EIF2A: variants seen among roughly 807,000 people sequenced by gnomAD.
EIF2A encodes the protein 65 kDa eukaryotic translation initiation factor 2A.
EIF2A carries 62 observed loss-of-function variants against 75.2 expected under a neutral mutation model. The ratio of observed to expected loss-of-function variants is 0.82; its 90% CI spans 0.67 to 1.02. The LOEUF (loss-of-function observed/expected upper bound fraction) is 1.02, where lower values mean the gene tolerates loss of function less well. Among genes scored for constraint, EIF2A ranks in the 50% least tolerant of loss-of-function variants. EIF2A has a pLI of 0.00. For synonymous variants in EIF2A, 207 were observed against 239.0 expected, an observed-to-expected ratio of 0.87 and a Z score of 1.23; for missense variants, 611 against 677.7, an observed-to-expected ratio of 0.90 and a Z score of 1.09.
Position 150,572,149 on chromosome 3 carries a change from G to A in EIF2A, c.1003G>A (p.Gly335Arg). The A allele has an allele frequency of 6.2e-7, 1 of 1,613,936 alleles. No individual in the cohort carries two copies. Among genetic ancestry groups the A allele is most frequent in the Non-Finnish European group, 8.5e-7 (1 of 1,179,862 alleles). Reference sequence around the variant, plus strand: ...ACATATATTAGTATTAGCTGGATTTGGAAATCTGAGGGGACAAATGGAAGT... The same window carrying A: ...ACATATATTAGTATTAGCTGGATTTAGAAATCTGAGGGGACAAATGGAAGT... Reference protein sequence around the residue: ...HGHILVLAGFGNLRGQMEVWD... With the variant: ...HGHILVLAGFRNLRGQMEVWD... The change falls in exon 10 of 14, where the codon GGA becomes AGA. Residue 335 changes from glycine (G) to arginine (R), a missense_variant. Coordinates refer to ENST00000460851, the MANE Select transcript of EIF2A (RefSeq NM_032025.5).
intron 11 of EIF2A, 48 bp downstream of exon 11, chr3:150,575,810 C>T (rs753502784): frequency 3.5e-5 from 52 of 1,490,672 alleles, no homozygotes; most frequent in South Asian, 7.4e-5. Flanking sequence ...CAGTTATGGC[C>T]GGGCGCAGTG....
rs746701306 is a variant in EIF2A, at chr3:150,546,796, G to C, written c.-7G>C. 6.2e-7 allele frequency: 1 copy of C among 1,612,444 alleles called. No homozygotes were observed. The highest frequency in any genetic ancestry group is 8.5e-7 in the Non-Finnish European group (1 of 1,179,886). ...CTCACCCGAGCGGTTTCTCTTTCCG[G>C]GACAACATGGCGCCGTCCACGCCGC... On this transcript the variant is annotated 5_prime_UTR_variant, in exon 1 of 14. Coordinates refer to ENST00000460851, the MANE Select transcript of EIF2A (RefSeq NM_032025.5).
intron 7 of EIF2A, 56 bp from the exon 8 acceptor site, chr3:150,567,846 A>G (rs956143709): frequency 6.3e-5 from 99 of 1,578,278 alleles, no homozygotes; most frequent in Non-Finnish European, 8.3e-5. Flanking sequence ...AAACATGTCC[A>G]TCTCAGTTTT....
intron 10 of EIF2A, 56 bp from the exon 11 acceptor site, chr3:150,575,593 G>A: frequency 7.9e-7 from 1 of 1,267,050 alleles, no homozygotes; most frequent in Non-Finnish European, 1.1e-6. Context: ...ATAATTTGTT[G>A]TTGTAGGTGT....
chr3:150,570,784 TG>T (rs1724464416), intron 9 of EIF2A, among the ~76,000 whole-genome samples: 1 of 152,050 alleles, frequency 6.6e-6, no homozygotes. Context: ...TGACAGAGGC[TG>T]GGCACGGTGG....
In EIF2A at chr3:150,563,500, G is replaced by C; in HGVS notation, c.293-15G>C. 1 of 1,537,740 alleles carries C rather than the reference G, an allele frequency of 6.5e-7. No individual in the cohort carries two copies. The highest frequency in any genetic ancestry group is 8.8e-7 in the Non-Finnish European group (1 of 1,142,200). On this transcript the variant is annotated splice_polypyrimidine_tract_variant and intron_variant, in intron 4 of 13. Transcript: ENST00000460851. Reference sequence around the variant, plus strand: ...GTTACAAGGCAATTACTGAAAAAAAGAAATTTTATTGCAGCTTCTAAAGAT... The same window carrying C: ...GTTACAAGGCAATTACTGAAAAAAACAAATTTTATTGCAGCTTCTAAAGAT...
At chr3:150,559,672 G>A (rs1163691489) in intron 3 of EIF2A, among the ~76,000 whole-genome samples, 3 of 151,912 alleles carry the variant, frequency 2.0e-5, no homozygotes, top group Non-Finnish European at 4.4e-5. Context: ...TGTATTTTTA[G>A]TAGAGATGGT....
Position 150,584,440 on chromosome 3 carries a change from T to A in EIF2A, c.*529T>A, listed in dbSNP as rs1465159538. ...GAAATGGCCATCTAATCCCAGAGCC[T>A]ATGCTTTAGGTCACTATGATATATA... On this transcript the variant is annotated 3_prime_UTR_variant, in exon 14 of 14. Transcript: ENST00000460851. Among the ~76,000 whole-genome samples, 3 of 152,220 alleles carry A rather than the reference T, an allele frequency of 2.0e-5. No individual in the cohort carries two copies. The highest frequency in any genetic ancestry group is 4.4e-5 in the Non-Finnish European group (3 of 68,034).
chr3:150,546,961 C>A, intron 1 of EIF2A, 131 bp downstream of exon 1: 1 of 1,283,046 alleles, frequency 7.8e-7, no homozygotes, highest in Non-Finnish European at 1.1e-6. Flanking sequence ...AAAGGCCAGA[C>A]TGTTGGCTTT....
rs750490771 is a variant in EIF2A at position 150,571,958 on chromosome 3, C to CA, written c.818dup (p.Asn273LysfsTer6). On this transcript the variant is annotated frameshift_variant and splice_region_variant, in exon 10 of 14. Coordinates refer to ENST00000460851, the MANE Select transcript of EIF2A (RefSeq NM_032025.5). LOFTEE classifies it high-confidence loss of function. ...TTTGGGCTTTATATTCTTTTTCTAGCAAAAAATGGCCCCATTTATGATGTA... is the reference window on the plus strand; with the variant it reads ...TTTGGGCTTTATATTCTTTTTCTAGCAAAAAAATGGCCCCATTTATGATGTA... 35 of 1,591,410 alleles carry CA rather than the reference C, an allele frequency of 2.2e-5. No homozygotes were observed. The highest frequency in any genetic ancestry group is 2.7e-5 in the Non-Finnish European group (32 of 1,171,384).
At chr3:150,546,878 T>C in intron 1 of EIF2A, 48 bp downstream of exon 1, 1 of 1,607,180 alleles carries the variant, frequency 6.2e-7, no homozygotes. Flanking sequence ...ACTAGTTTCT[T>C]ATTTTTGTCT....
chr3:150,579,639 C>T (rs537693179), intron 11 of EIF2A, among the ~76,000 whole-genome samples: 148 of 150,674 alleles, frequency 9.8e-4, no homozygotes, highest in African/African-American at 3.2e-3. Context: ...CGCTTGAACC[C>T]GGGAGGTGGA....
Position 150,583,906 on chromosome 3 carries a change from A to AT in EIF2A, c.1756dup (p.Ter586LeufsTer34). 1 of 1,613,576 alleles carries AT rather than the reference A, an allele frequency of 6.2e-7. No homozygotes were observed. The highest frequency in any genetic ancestry group is 8.5e-7 in the Non-Finnish European group (1 of 1,179,652). Reference sequence around the variant, plus strand: ...GGAGCTGGAAGATTTGGAATTGGGTATTTAAAGATTCACGGAAAGCAAGTT... The same window carrying AT: ...GGAGCTGGAAGATTTGGAATTGGGTATTTTAAAGATTCACGGAAAGCAAGTT... On this transcript the variant is annotated frameshift_variant, in exon 14 of 14. Transcript: ENST00000460851. LOFTEE classifies it high-confidence loss of function.
In EIF2A at chr3:150,575,735, G is replaced by A. The variant is rs1220558942; in HGVS notation, c.1470G>A (p.Lys490=). ...LSKTALKNQR[K]HEAKKAAKQE... is the part of the protein sequence containing the mutation. ...AAACAGCTCTTAAAAATCAAAGGAAGCATGAAGCTAAGAAAGCTGCAAAGC... is the reference window on the plus strand; with the variant it reads ...AAACAGCTCTTAAAAATCAAAGGAAACATGAAGCTAAGAAAGCTGCAAAGC... The change falls in exon 11 of 14, where the codon AAG becomes AAA. Residue 490 remains lysine, a synonymous_variant. Transcript: ENST00000460851. The A allele has an allele frequency of 1.9e-6, 3 of 1,612,320 alleles. No homozygotes were observed. The East Asian group carries it at 6.7e-5, about 36-fold the overall frequency.
At chr3:150,561,172 C>T (rs116186679) in intron 3 of EIF2A, among the ~76,000 whole-genome samples, 1,658 of 152,238 alleles carry the variant, frequency 0.011, 15 homozygotes, top group Middle Eastern at 0.02. Context: ...CTATGTTGCC[C>T]GGGCTGGTTT....
chr3:150,585,853 CAG>C lies in EIF2A; in HGVS notation c.*1947_*1948del, dbSNP rs1010154914. Among the ~76,000 whole-genome samples, 1 of 152,032 alleles carries C rather than the reference CAG, an allele frequency of 6.6e-6. No homozygotes were observed. The highest frequency in any genetic ancestry group is 1.5e-5 in the Non-Finnish European group (1 of 68,022). ...TTATTGTCCTTACAAGAAAAGACAC[CAG>C]AGAGCTTGTTCTGTCTCTTTGGGCC... On this transcript the variant is annotated 3_prime_UTR_variant, in exon 14 of 14. Coordinates refer to ENST00000460851, the MANE Select transcript of EIF2A (RefSeq NM_032025.5).
intron 12 of EIF2A, 29 bp from the exon 13 acceptor site, chr3:150,583,171 T>C: frequency 6.3e-7 from 1 of 1,590,026 alleles, no homozygotes; most frequent in Non-Finnish European, 8.5e-7. Context: ...TTTTCTTCCA[T>C]GCTCTTGACT....
chr3:150,552,240 A>G (rs1723352321), intron 1 of EIF2A, 116 bp from the exon 2 acceptor site: 2 of 806,556 alleles, frequency 2.5e-6, no homozygotes, highest in Non-Finnish European at 4.0e-6. Context: ...GTTCAATGAA[A>G]TATTTAATGA....
intron 2 of EIF2A, among the ~76,000 whole-genome samples, chr3:150,556,483 T>G (rs1723577022): frequency 6.6e-6 from 1 of 152,176 alleles, no homozygotes; most frequent in South Asian, 2.1e-4. Context: ...TGAGATGAAG[T>G]GGCATGGTGG....
Sources: allele counts gnomAD v4.1 joint callset (sites outside exome capture counted in the v4.1 genomes callset), GRCh38; gene constraint gnomAD v4.1.1; transcripts MANE v1.5; gene names NCBI Gene and HGNC (gene_info 2026-07-23, HGNC 2026-07-21).